RGPD5: variants seen among roughly 807,000 people sequenced by gnomAD.
RGPD5 encodes the protein RANBP2-like and GRIP domain-containing protein 5/6.
chr2:109,773,474 TAG>T, the RGPD5 span, among the ~76,000 whole-genome samples: 3 of 71,506 alleles, frequency 4.2e-5, no homozygotes, highest in Non-Finnish European at 8.1e-5. Flanking sequence ...GGAATCTGTG[TAG>T]ATACTTTGGG....
the RGPD5 span, among the ~76,000 whole-genome samples, chr2:109,766,568 T>C: frequency 6.6e-6 from 1 of 150,614 alleles, no homozygotes; most frequent in African/African-American, 2.4e-5. Context: ...CCAGATTCTC[T>C]TTTGTGAAAA....
At chr2:109,777,367 T>C in the RGPD5 span, among the ~76,000 whole-genome samples, 1 of 146,644 alleles carries the variant, frequency 6.8e-6, no homozygotes, top group Admixed American at 7.2e-5. Context: ...AATATACTTT[T>C]ATATACTTTA....
chr2:109,774,505 T>TATATAAA, the RGPD5 span, among the ~76,000 whole-genome samples: 15 of 32,092 alleles, frequency 4.7e-4, 3 homozygotes, highest in African/African-American at 4.0e-3. Context: ...CAAACATATA[T>TATATAAA]ATATATATAA....
the RGPD5 span, among the ~76,000 whole-genome samples, chr2:109,767,235 G>T: frequency 6.8e-6 from 1 of 147,030 alleles, no homozygotes; most frequent in African/African-American, 2.5e-5. Flanking sequence ...GCCGCATAAG[G>T]TCAGATTCAG....
chr2:109,761,500 A>C, the RGPD5 span, among the ~76,000 whole-genome samples: 4 of 142,860 alleles, frequency 2.8e-5, no homozygotes, highest in African/African-American at 5.2e-5. Flanking sequence ...CCCGGGGGGC[A>C]CTCCAGGTTC....
At chr2:109,794,608 C>CGGCGGCCTCG in intron 1 of RGPD5, 71 bp downstream of exon 1, 1 of 186,094 alleles carries the variant, frequency 5.4e-6, no homozygotes, top group Non-Finnish European at 6.2e-6. Flanking sequence ...GCGGCGGCGG[C>CGGCGGCCTCG]GGGGGGGGCG....
At chr2:109,764,529 A>G in the RGPD5 span, among the ~76,000 whole-genome samples, 6 of 149,968 alleles carry the variant, frequency 4.0e-5, 1 homozygote, top group Admixed American at 3.4e-4. Flanking sequence ...AGTAAGGCGT[A>G]GGTTGTACAT....
chr2:109,761,492 C>G, the RGPD5 span, among the ~76,000 whole-genome samples: 2 of 148,462 alleles, frequency 1.3e-5, no homozygotes, highest in African/African-American at 2.5e-5. Flanking sequence ...GCTCGCAGCC[C>G]GGGGGGCACT....
At chr2:109,766,111 C>T in the RGPD5 span, among the ~76,000 whole-genome samples, 1 of 150,534 alleles carries the variant, frequency 6.6e-6, no homozygotes, top group Non-Finnish European at 1.5e-5. Flanking sequence ...TGTACTCACA[C>T]TGGCCGAAGG....
the RGPD5 span, among the ~76,000 whole-genome samples, chr2:109,778,457 G>A: frequency 3.3e-5 from 5 of 149,882 alleles, no homozygotes; most frequent in African/African-American, 1.2e-4. Context: ...CAACAAAGGT[G>A]ATTTTCTTGT....
At chr2:109,762,378 A>G in the RGPD5 span, among the ~76,000 whole-genome samples, 3 of 150,366 alleles carry the variant, frequency 2.0e-5, no homozygotes, top group Admixed American at 6.8e-5. Flanking sequence ...CCAGATAGCA[A>G]CTGTACTTTT....
intron 1 of RGPD5, 52 bp downstream of exon 1, chr2:109,794,589 G>A (rs1573997808): frequency 1.3e-6 from 1 of 788,034 alleles, no homozygotes; most frequent in Admixed American, 1.4e-4. Flanking sequence ...CCGGGGGGCG[G>A]CGGCGGCGGC....
chr2:109,761,633 C>T, the RGPD5 span, among the ~76,000 whole-genome samples: 1 of 147,952 alleles, frequency 6.8e-6, no homozygotes, highest in Non-Finnish European at 1.5e-5. Flanking sequence ...CTTATTCCCC[C>T]TTCTTTCTCT....
chr2:109,767,280 C>T, the RGPD5 span, among the ~76,000 whole-genome samples: 1 of 149,462 alleles, frequency 6.7e-6, no homozygotes, highest in African/African-American at 2.5e-5. Context: ...TCCCTGGCAA[C>T]AGGACCCTGG....
chr2:109,779,103 CTTG>C, the RGPD5 span, among the ~76,000 whole-genome samples: 2 of 123,584 alleles, frequency 1.6e-5, no homozygotes, highest in African/African-American at 6.1e-5. Flanking sequence ...AAAGTCAGAA[CTTG>C]TTGTATTTTG....
the RGPD5 span, among the ~76,000 whole-genome samples, chr2:109,778,440 A>G: frequency 1.3e-5 from 2 of 149,886 alleles, no homozygotes; most frequent in African/African-American, 5.0e-5. Flanking sequence ...TAGCTTTTCT[A>G]TTATCTCAAC....
chr2:109,766,611 T>G, the RGPD5 span, among the ~76,000 whole-genome samples: 1 of 150,314 alleles, frequency 6.7e-6, no homozygotes. Flanking sequence ...AAGAATCTAT[T>G]TTGGGAGAAT....
the RGPD5 span, among the ~76,000 whole-genome samples, chr2:109,766,378 C>G: frequency 1.3e-5 from 2 of 150,704 alleles, no homozygotes; most frequent in African/African-American, 4.9e-5. Context: ...GGTGGAGAGA[C>G]TGGTTAGTTC....
At chr2:109,763,814 T>A in the RGPD5 span, among the ~76,000 whole-genome samples, 3 of 149,650 alleles carry the variant, frequency 2.0e-5, no homozygotes, top group Non-Finnish European at 3.0e-5. Flanking sequence ...TTGATGGACA[T>A]CATTTTCCAA....
Sources: gnomAD v4.1 joint callset for allele counts (sites outside exome capture counted in the v4.1 genomes callset) on GRCh38, gnomAD v4.1.1 for gene constraint, MANE v1.5 for transcripts, NCBI Gene and HGNC (gene_info 2026-07-23, HGNC 2026-07-21) for gene names.